Variants in BCL2L14 observed in about 807,000 individuals in gnomAD.
BCL2L14 encodes apoptosis facilitator Bcl-2-like protein 14.
Under a neutral mutation model 35.3 loss-of-function variants are expected in BCL2L14, and 27 were observed. The observed-to-expected ratio is 0.76, with a 90% CI of 0.56 to 1.05. The LOEUF (loss-of-function observed/expected upper bound fraction) is 1.05, where lower values mean the gene tolerates loss of function less well. Ranked by LOEUF, BCL2L14 falls within the 50% of genes least tolerant of loss-of-function variation. The pLI is 0.00. For missense variants in BCL2L14, 377 were observed against 382.6 expected, an observed-to-expected ratio of 0.99 and a Z score of 0.12; for synonymous variants, 139 against 145.9, an observed-to-expected ratio of 0.95 and a Z score of 0.34.
chr12:12,073,271 C>A (rs1005227038), intron 1 of BCL2L14, among the ~76,000 whole-genome samples: 1 of 152,222 alleles, frequency 6.6e-6, no homozygotes, highest in Admixed American at 6.5e-5. Flanking sequence ...CGGAGGCCCC[C>A]GCTCCCTCCG....
chr12:12,066,396 T>A (rs200298038), upstream of BCL2L14, among the ~76,000 whole-genome samples: 10 of 152,334 alleles, frequency 6.6e-5, no homozygotes, highest in East Asian at 1.9e-3. Context: ...GCCTTTCAAG[T>A]CTTCTTTGGT....
chr12:12,073,306 C>G (rs947507673), intron 1 of BCL2L14, among the ~76,000 whole-genome samples: 1 of 152,242 alleles, frequency 6.6e-6, no homozygotes, highest in African/African-American at 2.4e-5. Flanking sequence ...CCTTCTGGGG[C>G]TGGCTCCTGA....
intron 2 of BCL2L14, among the ~76,000 whole-genome samples, chr12:12,058,937 G>A (rs746847213): frequency 6.6e-6 from 1 of 152,138 alleles, no homozygotes; most frequent in African/African-American, 2.4e-5. Flanking sequence ...CCAGTAAGCG[G>A]CCTCTTTTTA....
chr12:12,088,660 A>G (rs1949100333), intron 3 of BCL2L14, among the ~76,000 whole-genome samples: 1 of 152,166 alleles, frequency 6.6e-6, no homozygotes, highest in Admixed American at 6.5e-5. Flanking sequence ...TACCCTCACT[A>G]TCTGCCTAAA....
chr12:12,075,119 T>TTTTA lies in BCL2L14; in HGVS notation c.-8+3998_-8+4001dup, dbSNP rs570280452. The stretch of plus-strand genomic sequence containing the variant: ...TTTTTAATATGTTTCTTTTTTTTCT[T>TTTTA]TTTATTTATTTATTTATTTTTGAGA... On this transcript the variant is annotated intron_variant, in intron 1 of 5. Transcript: ENST00000308721. 2.1e-4 allele frequency among the ~76,000 whole-genome samples: 32 copies of TTTTA among 152,156 alleles called. No individual in the cohort carries two copies. In the East Asian group the frequency reaches 5.6e-3, roughly 27 times the overall value.
chr12:12,053,348 C>T (rs1274751190), intron 2 of BCL2L14, among the ~76,000 whole-genome samples: 1 of 152,026 alleles, frequency 6.6e-6, no homozygotes, highest in African/African-American at 2.4e-5. Context: ...AACACAAGGG[C>T]AGGGCTGAAC....
chr12:12,077,469 G>A (rs893985710), intron 1 of BCL2L14, among the ~76,000 whole-genome samples: 5 of 151,508 alleles, frequency 3.3e-5, no homozygotes, highest in South Asian at 4.2e-4. Context: ...CCCTTGAGCC[G>A]GGGAGGTTGA....
chr12:12,054,273 C>T (rs1355378346), intron 2 of BCL2L14, among the ~76,000 whole-genome samples: 1 of 152,112 alleles, frequency 6.6e-6, no homozygotes, highest in African/African-American at 2.4e-5. Context: ...AAGGCCAAGG[C>T]AGGTGGATCA....
upstream of BCL2L14, among the ~76,000 whole-genome samples, chr12:12,067,685 G>A (rs2136723622): frequency 6.6e-6 from 1 of 152,318 alleles, no homozygotes; most frequent in Middle Eastern, 3.4e-3. Context: ...CTGAATGACT[G>A]CATTATGGCA....
chr12:12,055,369 T>C (rs1223938894), intron 2 of BCL2L14: 1 of 152,210 alleles, frequency 6.6e-6, no homozygotes, highest in Non-Finnish European at 1.5e-5. Flanking sequence ...CCGTGGGAGA[T>C]GGGATTCGTT....
intron 5 of BCL2L14, chr12:12,095,265 G>T (rs1949289720): frequency 7.1e-6 from 7 of 985,250 alleles, no homozygotes; most frequent in Non-Finnish European, 8.4e-6. Flanking sequence ...GGCAACGGAA[G>T]TCTGGCAGGG....
At chr12:12,057,254 G>C (rs10772528) in intron 2 of BCL2L14, among the ~76,000 whole-genome samples, 94,379 of 152,062 alleles carry the variant, frequency 0.62, 30,117 homozygotes, top group East Asian at 0.78. Context: ...TTTGCATTAC[G>C]ATCAGTTTTC....
chr12:12,097,034 CT>C (rs1217121165), intron 5 of BCL2L14, among the ~76,000 whole-genome samples: 4 of 152,134 alleles, frequency 2.6e-5, no homozygotes, highest in Non-Finnish European at 1.5e-5. Context: ...GTCCCAGCTA[CT>C]CAGGGGGGCT....
chr12:12,058,140 C>T (rs1012116420), intron 2 of BCL2L14, among the ~76,000 whole-genome samples: 2 of 151,634 alleles, frequency 1.3e-5, no homozygotes, highest in African/African-American at 2.4e-5. Context: ...TTAGTAGCGA[C>T]GAGGTTTCAC....
chr12:12,065,365 GT>G (rs1332998760), intron 2 of BCL2L14, among the ~76,000 whole-genome samples: 3 of 152,000 alleles, frequency 2.0e-5, no homozygotes, highest in Non-Finnish European at 2.9e-5. Context: ...GAGAAACCCT[GT>G]CTCTACTAAA....
At chr12:12,060,029 C>T (rs902558660) in intron 2 of BCL2L14, among the ~76,000 whole-genome samples, 2 of 151,924 alleles carry the variant, frequency 1.3e-5, no homozygotes, top group African/African-American at 4.8e-5. Flanking sequence ...CCCCAAGCGT[C>T]GCCGAGTCTT....
chr12:12,097,431 G>A (rs1035892668), intron 5 of BCL2L14, among the ~76,000 whole-genome samples: 2 of 152,168 alleles, frequency 1.3e-5, no homozygotes, highest in African/African-American at 4.8e-5. Context: ...GAGAAAGTCA[G>A]GCAAAAAGGC....
At chr12:12,079,107 T>C in intron 1 of BCL2L14, 192 bp from the exon 2 acceptor site, 1 of 592,738 alleles carries the variant, frequency 1.7e-6, no homozygotes, top group Non-Finnish European at 2.9e-6. Flanking sequence ...TCATTTTCTT[T>C]ATGTGGAGTT....
intron 3 of BCL2L14, among the ~76,000 whole-genome samples, chr12:12,087,677 G>C (rs539354238): frequency 1.3e-5 from 2 of 152,350 alleles, no homozygotes; most frequent in African/African-American, 4.8e-5. Flanking sequence ...GTCTGTGGCG[G>C]AAAATGCAAT....
Sources: allele counts gnomAD v4.1 joint callset (sites outside exome capture counted in the v4.1 genomes callset), GRCh38; gene constraint gnomAD v4.1.1; transcripts MANE v1.5; gene names NCBI Gene and HGNC (gene_info 2026-07-23, HGNC 2026-07-21).